The following ITGA10 variants were observed in gnomAD, a reference collection of about 807,000 sequenced individuals.
The protein encoded by ITGA10 is integrin alpha-10.
ITGA10 carries 105 observed loss-of-function variants against 145.2 expected under a neutral mutation model. The ratio of observed to expected loss-of-function variants is 0.72; its 90% CI spans 0.62 to 0.85. ITGA10 has a LOEUF of 0.85. ITGA10 is among the 40% of genes least tolerant of loss of function. The probability of loss-of-function intolerance (pLI) is 0.00; values close to 1 mark genes in which losing one functional copy is unlikely to be tolerated. For missense variants in ITGA10, 1,317 were observed against 1,444.5 expected, an observed-to-expected ratio of 0.91 and a Z score of 1.43; for synonymous variants, 506 against 557.8, an observed-to-expected ratio of 0.91 and a Z score of 1.31.
Position 145,901,348 on chromosome 1 carries a change from G to A in ITGA10, c.1444-70C>T. 3.8e-6 allele frequency: 6 copies of A among 1,572,704 alleles called. No homozygotes were observed. Among genetic ancestry groups the A allele is most frequent in the East Asian group, 2.2e-5 (1 of 44,596 alleles). Reference sequence around the variant, plus strand: ...AACTGTAGACAAGTGGACTCAGTGGGAAGCACTCACCAGCCTGCTAGTCTG... The same window carrying A: ...AACTGTAGACAAGTGGACTCAGTGGAAAGCACTCACCAGCCTGCTAGTCTG... On this transcript the variant is annotated intron_variant, in intron 12 of 29. Coordinates refer to ENST00000369304, the MANE Select transcript of ITGA10 (RefSeq NM_003637.5). This position sits in a 1 kb window ranked among gnomAD's most constrained non-coding sequence, Gnocchi z 4.3.
At chr1:145,893,780 G>A in intron 27 of ITGA10, 145 bp from the exon 28 acceptor site, 1 of 625,486 alleles carries the variant, frequency 1.6e-6, no homozygotes, top group South Asian at 2.0e-5. Context: ...AGACCAATGG[G>A]AAAAGAGAGG....
chr1:145,897,771 C>G (rs587728565), intron 19 of ITGA10, 44 bp downstream of exon 19: 1 of 1,609,156 alleles, frequency 6.2e-7, no homozygotes, highest in Non-Finnish European at 8.5e-7. Flanking sequence ...CCCTTCCAGT[C>G]TGTCTCAGGT....
chr1:145,903,990 G>A (rs782278360), intron 7 of ITGA10, 62 bp downstream of exon 7: 113 of 1,588,316 alleles, frequency 7.1e-5, no homozygotes, highest in Middle Eastern at 2.1e-4. Flanking sequence ...GCCTGGCCCC[G>A]CCCTAACTCT....
intron 27 of ITGA10, 92 bp downstream of exon 27, chr1:145,895,188 A>T (rs781805140): frequency 2.6e-5 from 22 of 847,552 alleles, no homozygotes; most frequent in Non-Finnish European, 3.1e-5. Context: ...GGCAAAAGTG[A>T]AACTTGAACG....
At position 145,891,691 on chromosome 1, in the gene ITGA10, G is replaced by A. The variant is rs1265228429; in HGVS notation, c.*1107C>T. ...CCTGCAAAATATGACCAGGGTTCTA[G>A]GGTTGCCCCAGAAACATTTTCCTAG... On this transcript the variant is annotated 3_prime_UTR_variant, in exon 30 of 30. Transcript: ENST00000369304. 6.6e-6 allele frequency: 1 copy of A among 152,188 alleles called. No individual in the cohort carries two copies. Among genetic ancestry groups the A allele is most frequent in the Non-Finnish European group, 1.5e-5 (1 of 68,042 alleles). The allele number at this position is 152,188 out of a possible 1,614,324, so 9.4% of individuals were successfully genotyped here. A position where few individuals can be genotyped will look rare whatever the true frequency, so the allele number is the denominator to read the frequency against.
Position 145,898,832 on chromosome 1 carries a change from C to T in ITGA10, c.2232+104G>A, listed in dbSNP as rs587719110. 3.3e-3 allele frequency: 4,525 copies of T among 1,373,128 alleles called. 15 individuals carry two copies. Among genetic ancestry groups the T allele is most frequent in the Non-Finnish European group, 3.9e-3 (3,983 of 1,009,790 alleles). The allele number at this position is 1,373,128 out of a possible 1,614,324, so 85.1% of individuals were successfully genotyped here. On this transcript the variant is annotated intron_variant, in intron 17 of 29. Coordinates refer to ENST00000369304, the MANE Select transcript of ITGA10 (RefSeq NM_003637.5). ...TCCAAAGTCTGAATCATCTCATTTT[C>T]CCGGCTTTGGCTTTCTTGCTGATTC...
intron 23 of ITGA10, among the ~76,000 whole-genome samples, 200 bp from the exon 24 acceptor site, chr1:145,896,552 C>T (rs1296628805): frequency 6.6e-6 from 1 of 152,174 alleles, no homozygotes. Flanking sequence ...CCCCTCATCC[C>T]AGCTCCAGTG....
rs782626771 is a variant in ITGA10, at chr1:145,907,481, CATA to C, written c.53-19_53-17del. 45 of 1,614,000 alleles carry C rather than the reference CATA, an allele frequency of 2.8e-5. No individual in the cohort carries two copies. In the East Asian group the frequency reaches 9.4e-4, roughly 34 times the overall value. On this transcript the variant is annotated splice_polypyrimidine_tract_variant and intron_variant, in intron 1 of 29. Transcript: ENST00000369304. ...GAGCAGAGACCTGTGGGGTCAGGAT[CATA>C]ATGTTAGTATGAGGTAGTGAATGGC...
At chr1:145,908,114 T>C (rs1173642898) in intron 1 of ITGA10, among the ~76,000 whole-genome samples, 1 of 152,216 alleles carries the variant, frequency 6.6e-6, no homozygotes, top group South Asian at 2.1e-4. Context: ...CTCAACAAAC[T>C]GTGAGGGTCA....
chr1:145,901,326 T>A lies in ITGA10; in HGVS notation c.1444-48A>T, dbSNP rs1553748326. 6.2e-7 allele frequency: 1 copy of A among 1,604,570 alleles called. No homozygotes were observed. The highest frequency in any genetic ancestry group is 2.2e-5 in the East Asian group (1 of 44,812). ...GACCCCAGAGAAAAGGGAAGGTAAC[T>A]GTAGACAAGTGGACTCAGTGGGAAG... On this transcript the variant is annotated intron_variant, in intron 12 of 29. Transcript: ENST00000369304. The surrounding 1 kb of genome is among the most constrained non-coding windows in gnomAD (Gnocchi z 4.3).
Position 145,907,362 on chromosome 1 carries a change from T to C in ITGA10, c.156A>G (p.Gly52=). 6.2e-7 allele frequency: 1 copy of C among 1,614,170 alleles called. No individual in the cohort carries two copies. The highest frequency in any genetic ancestry group is 1.1e-5 in the South Asian group (1 of 91,078). Residue 52 remains glycine (G), a synonymous_variant, in exon 2 of 30, where the codon GGA becomes GGG. Transcript: ENST00000369304. The stretch of plus-strand genomic sequence containing the variant: ...TCCGGTTTCTTCCTCACCATCGCTG[T>C]CCACCCCCAACATGTTGTAAGACAC... ...GYSVLQHVGG[G]QRWMLVGAPW...
At chr1:145,899,479 G>T in intron 15 of ITGA10, 138 bp from the exon 16 acceptor site, 1 of 906,772 alleles carries the variant, frequency 1.1e-6, no homozygotes, top group Non-Finnish European at 1.7e-6. Flanking sequence ...CGAACCCTCT[G>T]ACAGAAGTAA....
chr1:145,896,837 C>T lies in ITGA10; in HGVS notation c.2766G>A (p.Gly922=). 1.2e-6 allele frequency: 2 copies of T among 1,613,906 alleles called. No individual in the cohort carries two copies. The highest frequency in any genetic ancestry group is 1.7e-6 in the Non-Finnish European group (2 of 1,179,910). The part of the protein sequence containing the change: ...TASSDSLERN[G]TLQDNTAQTS... ...TCTGGGCTGTGTTATCTTGAAGGGTCCCATTTCTCTCCAGGCTGTCACTGT... is the reference window on the plus strand; with the variant it reads ...TCTGGGCTGTGTTATCTTGAAGGGTTCCATTTCTCTCCAGGCTGTCACTGT... Residue 922 remains glycine (G), a synonymous_variant, in exon 23 of 30, where the codon GGG becomes GGA. Coordinates refer to ENST00000369304, the MANE Select transcript of ITGA10 (RefSeq NM_003637.5).
rs147619696 is a variant in ITGA10, at chr1:145,895,375, A to T, written c.3133T>A (p.Cys1045Ser). Residue 1045 changes from cysteine (C) to serine (S), a missense_variant, in exon 27 of 30, where the codon TGT (cysteine) becomes AGT (serine). By Grantham distance (112) the Cys-to-Ser change is moderately radical. Coordinates refer to ENST00000369304, the MANE Select transcript of ITGA10 (RefSeq NM_003637.5). ...CCAAGGTGGCACCTCACCACCTGAC[A>T]CTGAGTATTGCTCCCATTCTAACAG... The part of the protein sequence containing the change: ...TNRLNGSNTQ[C>S]QVVRCHLGQL... 1 of 1,613,656 alleles carries T rather than the reference A, an allele frequency of 6.2e-7. No individual in the cohort carries two copies. Among genetic ancestry groups the T allele is most frequent in the Non-Finnish European group, 8.5e-7 (1 of 1,179,582 alleles).
intron 6 of ITGA10, 118 bp downstream of exon 6, chr1:145,904,566 G>T: frequency 9.6e-7 from 1 of 1,042,362 alleles, no homozygotes; most frequent in Non-Finnish European, 1.4e-6. Context: ...TTAGAGATGA[G>T]GTCTCACTGT....
Position 145,901,763 on chromosome 1 carries a change from C to T in ITGA10, c.1295-99G>A, listed in dbSNP as rs1656355296. On this transcript the variant is annotated intron_variant, in intron 11 of 29. Transcript: ENST00000369304. This position sits in a 1 kb window ranked among gnomAD's most constrained non-coding sequence, Gnocchi z 4.3. ...TAGCAGGAGGTCCCAAGGGAAGTAA[C>T]CAGAGGTCAGTGAGAAACCGCATGA... 1 of 1,547,472 alleles carries T rather than the reference C, an allele frequency of 6.5e-7. No homozygotes were observed. The highest frequency in any genetic ancestry group is 8.8e-7 in the Non-Finnish European group (1 of 1,140,808).
At chr1:145,908,080 A>G (rs782401272) in intron 1 of ITGA10, among the ~76,000 whole-genome samples, 2 of 151,884 alleles carry the variant, frequency 1.3e-5, no homozygotes, top group Non-Finnish European at 2.9e-5. Flanking sequence ...ACTCTTTTCC[A>G]CAACATTCCT....
Position 145,901,756 on chromosome 1 carries a change from G to T in ITGA10, c.1295-92C>A. On this transcript the variant is annotated intron_variant, in intron 11 of 29. Coordinates refer to ENST00000369304, the MANE Select transcript of ITGA10 (RefSeq NM_003637.5). The surrounding 1 kb of genome is among the most constrained non-coding windows in gnomAD (Gnocchi z 4.3). ...AAAGGCATAGCAGGAGGTCCCAAGG[G>T]AAGTAACCAGAGGTCAGTGAGAAAC... 1 of 1,540,164 alleles carries T rather than the reference G, an allele frequency of 6.5e-7. No individual in the cohort carries two copies. The highest frequency in any genetic ancestry group is 8.8e-7 in the Non-Finnish European group (1 of 1,137,826).
chr1:145,893,520 G>C lies in ITGA10; in HGVS notation c.3324+20C>G. 6.3e-7 allele frequency: 1 copy of C among 1,582,042 alleles called. No individual in the cohort carries two copies. The highest frequency in any genetic ancestry group is 2.3e-5 in the East Asian group (1 of 44,222). On this transcript the variant is annotated intron_variant, in intron 28 of 29. Transcript: ENST00000369304. Reference sequence around the variant, plus strand: ...ATCATCATTATTTTCACAGCTCTCAGACTCGGTCTCCAGCCCTACCTCACT... The same window carrying C: ...ATCATCATTATTTTCACAGCTCTCACACTCGGTCTCCAGCCCTACCTCACT...
Sources: allele counts gnomAD v4.1 joint callset (sites outside exome capture counted in the v4.1 genomes callset), GRCh38; gene constraint gnomAD v4.1.1; non-coding constraint Gnocchi (gnomAD v3.1); transcripts MANE v1.5; gene names NCBI Gene and HGNC (gene_info 2026-07-23, HGNC 2026-07-21).